NDFIP1: variants seen among roughly 807,000 people sequenced by gnomAD.
The protein encoded by NDFIP1 is NEDD4 family-interacting protein 1.
NDFIP1 carries 7 observed loss-of-function variants against 28.8 expected under a neutral mutation model. The ratio of observed to expected loss-of-function variants is 0.24; its 90% CI spans 0.14 to 0.46. NDFIP1 has a LOEUF of 0.46. NDFIP1 is among the 20% of genes least tolerant of loss of function. NDFIP1 has a pLI of 0.99. For missense variants in NDFIP1, 194 were observed against 269.1 expected, an observed-to-expected ratio of 0.72 and a Z score of 1.95; for synonymous variants, 92 against 101.0, an observed-to-expected ratio of 0.91 and a Z score of 0.53.
rs906545000 is a variant in NDFIP1 at position 142,152,051 on chromosome 5, G to A, written c.*323G>A. 2 of 152,688 alleles carry A rather than the reference G, an allele frequency of 1.3e-5. No individual in the cohort carries two copies. Among genetic ancestry groups the A allele is most frequent in the African/African-American group, 4.8e-5 (2 of 41,422 alleles). The allele number at this position is 152,688 out of a possible 1,614,324, so 9.5% of individuals were successfully genotyped here. A position where few individuals can be genotyped will look rare whatever the true frequency, so the allele number is the denominator to read the frequency against. On this transcript the variant is annotated 3_prime_UTR_variant, in exon 8 of 8. Coordinates refer to ENST00000253814, the MANE Select transcript of NDFIP1 (RefSeq NM_030571.4). Reference sequence around the variant, plus strand: ...TAGCATGAGCCATGTCCCTGTAGTCGGTAGGGGGCAGTCTTGCTTTATTCA... The same window carrying A: ...TAGCATGAGCCATGTCCCTGTAGTCAGTAGGGGGCAGTCTTGCTTTATTCA...
At chr5:142,129,075 C>G (rs558669811) in intron 1 of NDFIP1, among the ~76,000 whole-genome samples, 1 of 152,252 alleles carries the variant, frequency 6.6e-6, no homozygotes, top group African/African-American at 2.4e-5. Flanking sequence ...ACACCAAGCT[C>G]AGGAAATATA....
At chr5:142,151,190 G>GT (rs1219573144) in intron 7 of NDFIP1, among the ~76,000 whole-genome samples, 1 of 152,150 alleles carries the variant, frequency 6.6e-6, no homozygotes, top group Non-Finnish European at 1.5e-5. Flanking sequence ...AGGAAAACTT[G>GT]TTTTTTAAAA....
At chr5:142,119,217 C>T (rs1381610941) in intron 1 of NDFIP1, among the ~76,000 whole-genome samples, 1 of 152,200 alleles carries the variant, frequency 6.6e-6, no homozygotes, top group East Asian at 1.9e-4. Context: ...TATCTATAAA[C>T]TCCCACTCCA....
At chr5:142,149,903 C>T (rs745362364) in intron 7 of NDFIP1, among the ~76,000 whole-genome samples, 3 of 152,086 alleles carry the variant, frequency 2.0e-5, no homozygotes, top group East Asian at 1.9e-4. Flanking sequence ...GAAACTGGGC[C>T]AGGCATGGTG....
intron 1 of NDFIP1, among the ~76,000 whole-genome samples, chr5:142,117,831 C>T (rs1757085395): frequency 6.7e-6 from 1 of 148,622 alleles, no homozygotes; most frequent in African/African-American, 2.5e-5. Flanking sequence ...AGGCTTTCTT[C>T]TTAACCTTTC....
At chr5:142,112,360 G>T (rs930026222) in intron 1 of NDFIP1, among the ~76,000 whole-genome samples, 2 of 151,590 alleles carry the variant, frequency 1.3e-5, no homozygotes, top group Non-Finnish European at 2.9e-5. Flanking sequence ...ACTCCTGCCT[G>T]GCGACAGAGC....
intron 7 of NDFIP1, among the ~76,000 whole-genome samples, chr5:142,150,871 T>G (rs1374874300): frequency 2.6e-5 from 4 of 152,236 alleles, no homozygotes; most frequent in Non-Finnish European, 5.9e-5. Flanking sequence ...CAAAATAGTT[T>G]CTCAATAAAT....
chr5:142,114,215 G>T (rs1222382187), intron 1 of NDFIP1, among the ~76,000 whole-genome samples: 1 of 152,008 alleles, frequency 6.6e-6, no homozygotes, highest in Admixed American at 6.6e-5. Flanking sequence ...CAACATACTT[G>T]TTATGTTCTC....
chr5:142,139,207 G>A (rs763684287), intron 5 of NDFIP1, among the ~76,000 whole-genome samples: 17 of 147,082 alleles, frequency 1.2e-4, no homozygotes, highest in Non-Finnish European at 1.9e-4. Context: ...GCGACAGAGC[G>A]AGACTCCTTC....
chr5:142,129,918 AAAAAAAAAAAAAG>A (rs1359354281), intron 1 of NDFIP1, among the ~76,000 whole-genome samples: 1 of 146,674 alleles, frequency 6.8e-6, no homozygotes. Flanking sequence ...TCTCAAAAAA[AAAAAAAAAAAAAG>A]AAAGAAAGAA....
chr5:142,142,346 G>A (rs1473953666), intron 6 of NDFIP1, among the ~76,000 whole-genome samples: 1 of 152,018 alleles, frequency 6.6e-6, no homozygotes, highest in South Asian at 2.1e-4. Context: ...GAGAACTTCA[G>A]TAATAAAAAT....
chr5:142,112,740 C>G (rs148585649), intron 1 of NDFIP1, among the ~76,000 whole-genome samples: 1 of 149,526 alleles, frequency 6.7e-6, no homozygotes, highest in Admixed American at 6.7e-5. Context: ...GAGCCGAGAT[C>G]GCGCCACTGC....
intron 7 of NDFIP1, among the ~76,000 whole-genome samples, chr5:142,145,805 G>A (rs1303400256): frequency 2.0e-5 from 3 of 152,128 alleles, no homozygotes; most frequent in Non-Finnish European, 2.9e-5. Context: ...TAGAGCCAGC[G>A]ACATGTTGGG....
intron 1 of NDFIP1, among the ~76,000 whole-genome samples, chr5:142,111,548 A>G (rs1180387900): frequency 6.6e-6 from 1 of 152,220 alleles, no homozygotes; most frequent in African/African-American, 2.4e-5. Context: ...TGAATTGTCC[A>G]GGCAACTTGA....
At chr5:142,122,993 C>T (rs925863369) in intron 1 of NDFIP1, among the ~76,000 whole-genome samples, 5 of 152,228 alleles carry the variant, frequency 3.3e-5, no homozygotes, top group South Asian at 4.2e-4. Flanking sequence ...GGCAGAGTCT[C>T]GCTCTGTTGC....
intron 7 of NDFIP1, among the ~76,000 whole-genome samples, chr5:142,145,468 C>A (rs1757379538): frequency 6.6e-6 from 1 of 152,006 alleles, no homozygotes; most frequent in South Asian, 2.1e-4. Flanking sequence ...TTCCTTGGGG[C>A]TTTGGGGACT....
chr5:142,135,701 T>A (rs1437557769), intron 3 of NDFIP1, 29 bp from the exon 4 acceptor site: 1 of 1,589,522 alleles, frequency 6.3e-7, no homozygotes, highest in Admixed American at 1.7e-5. Flanking sequence ...TCCCTTTGCC[T>A]AGAAATAATT....
Position 142,151,818 on chromosome 5 carries a change from ACACAGAGGAATAAT to A in NDFIP1, c.*94_*107del, listed in dbSNP as rs1179186905. 6.5e-6 allele frequency: 1 copy of A among 152,826 alleles called. No individual in the cohort carries two copies. Among genetic ancestry groups the A allele is most frequent in the Non-Finnish European group, 1.5e-5 (1 of 68,052 alleles). The allele number at this position is 152,826 out of a possible 1,614,324, so 9.5% of individuals were successfully genotyped here. A position where few individuals can be genotyped will look rare whatever the true frequency, so the allele number is the denominator to read the frequency against. On this transcript the variant is annotated 3_prime_UTR_variant, in exon 8 of 8. Transcript: ENST00000253814. ...TGCAGGAAGTGAATCAAGATGCAGA[ACACAGAGGAATAAT>A]CACCTGCTTTAAAAAAATAAAGTAC...
chr5:142,112,784 C>CA (rs377085787), intron 1 of NDFIP1, among the ~76,000 whole-genome samples: 20,288 of 104,986 alleles, frequency 0.19, 1,725 homozygotes, highest in East Asian at 0.43. Flanking sequence ...AGACTCTGTC[C>CA]AAAAAAAAAA....
Sources: allele counts gnomAD v4.1 joint callset (sites outside exome capture counted in the v4.1 genomes callset), GRCh38; gene constraint gnomAD v4.1.1; transcripts MANE v1.5; gene names NCBI Gene and HGNC (gene_info 2026-07-23, HGNC 2026-07-21).